REV3L: variants seen among roughly 807,000 people sequenced by gnomAD.
REV3L encodes the protein REV3 like, DNA directed polymerase zeta catalytic subunit.
Under a neutral mutation model 299.4 loss-of-function variants are expected in REV3L, and 69 were observed. The observed-to-expected ratio is 0.23, with a 90% confidence interval of 0.19 to 0.28. The LOEUF (loss-of-function observed/expected upper bound fraction) is 0.28, where lower values mean the gene tolerates loss of function less well. Among genes scored for constraint, REV3L ranks in the 10% least tolerant of loss-of-function variants. REV3L has a pLI of 1.00. For missense variants in REV3L, 3,128 were observed against 3,693.8 expected, an observed-to-expected ratio of 0.85 and a Z score of 3.97; for synonymous variants, 1,238 against 1,271.4, an observed-to-expected ratio of 0.97 and a Z score of 0.56.
At chr6:111,480,428 T>G (rs1054546694) in intron 1 of REV3L, among the ~76,000 whole-genome samples, 1 of 152,192 alleles carries the variant, frequency 6.6e-6, no homozygotes, top group Non-Finnish European at 1.5e-5. Context: ...ATTAATAATT[T>G]TCAAGTTTTA....
At chr6:111,465,082 TTTG>T (rs1164210102) in intron 1 of REV3L, among the ~76,000 whole-genome samples, 1 of 125,436 alleles carries the variant, frequency 8.0e-6, no homozygotes, top group Non-Finnish European at 1.9e-5. Flanking sequence ...GTTATTTTTA[TTTG>T]TTTTTTTTTT....
intron 4 of REV3L, among the ~76,000 whole-genome samples, chr6:111,395,174 T>G (rs1158202112): frequency 6.6e-6 from 1 of 152,218 alleles, no homozygotes; most frequent in African/African-American, 2.4e-5. Context: ...TGCTCAGGAT[T>G]GCTTTGGCTA....
intron 1 of REV3L, among the ~76,000 whole-genome samples, chr6:111,469,688 T>G (rs559766019): frequency 1.3e-5 from 2 of 152,250 alleles, no homozygotes; most frequent in Non-Finnish European, 2.9e-5. Context: ...ATGGCCCCCA[T>G]CACCCAAGCA....
At chr6:111,425,587 T>C (rs2128294102) in intron 1 of REV3L, among the ~76,000 whole-genome samples, 1 of 152,034 alleles carries the variant, frequency 6.6e-6, no homozygotes, top group African/African-American at 2.4e-5. Context: ...GCTACATAAT[T>C]TAAAATGTCT....
intron 15 of REV3L, among the ~76,000 whole-genome samples, chr6:111,364,658 C>T (rs1779028909): frequency 6.6e-6 from 1 of 151,498 alleles, no homozygotes; most frequent in Non-Finnish European, 1.5e-5. Context: ...TAGTTAATGA[C>T]ATTTATAAGA....
Position 111,466,070 on chromosome 6 carries a change from G to A in REV3L, c.139+16680C>T, listed in dbSNP as rs534152668. Among the ~76,000 whole-genome samples, 9 of 151,992 alleles carry A rather than the reference G, an allele frequency of 5.9e-5. No homozygotes were observed. The South Asian group carries it at 1.0e-3, about 18-fold the overall frequency. The stretch of plus-strand genomic sequence containing the variant: ...AGAAACTCTTACAGCAGTCTGAGAG[G>A]GAAATTCTATACCTGTTAAATAAAA... On this transcript the variant is annotated intron_variant, in intron 1 of 31. Coordinates refer to ENST00000368802, the MANE Select transcript of REV3L (RefSeq NM_001372078.1).
intron 24 of REV3L, chr6:111,330,811 G>T: frequency 5.8e-6 from 1 of 171,572 alleles, no homozygotes; most frequent in Non-Finnish European, 1.2e-5. Context: ...ATTTCTCCAA[G>T]TAGATCTCAT....
At chr6:111,476,354 T>C (rs1562373666) in intron 1 of REV3L, among the ~76,000 whole-genome samples, 1 of 152,078 alleles carries the variant, frequency 6.6e-6, no homozygotes, top group Non-Finnish European at 1.5e-5. Flanking sequence ...ATAGCGTCTT[T>C]CCATGTTGCC....
upstream of REV3L, chr6:111,483,275 G>A: frequency 2.1e-6 from 1 of 478,078 alleles, no homozygotes; most frequent in Non-Finnish European, 3.7e-6. Context: ...GGGAGGCTGC[G>A]AGTAGTGCGG....
At chr6:111,420,002 G>A (rs1008628527) in intron 1 of REV3L, among the ~76,000 whole-genome samples, 1 of 151,996 alleles carries the variant, frequency 6.6e-6, no homozygotes, top group African/African-American at 2.4e-5. Context: ...CTGCCACCAT[G>A]CCCGGCTAAT....
rs149987536 is a variant in REV3L, at chr6:111,373,503, C to T, written c.4852G>A (p.Asp1618Asn). 3.1e-6 allele frequency: 5 copies of T among 1,613,410 alleles called. No homozygotes were observed. The highest frequency in any genetic ancestry group is 4.2e-6 in the Non-Finnish European group (5 of 1,179,842). Residue 1618 changes from aspartate to asparagine, a missense_variant, in exon 13 of 32, where the codon GAT becomes AAT. Around this residue, in one of 9 missense-constraint regions of REV3L, gnomAD observed 2,409 missense variants for 2,611.8 expected, o/e 0.92. Transcript: ENST00000368802. The part of the protein sequence containing the change: ...NSSQLDNSVS[D>N]DSPIFFSDPG... Reference sequence around the variant, plus strand: ...TCTGAAAAAAAGATGGGACTATCATCTGATACAGAGTTATCCAACTGGCTA... The same window carrying T: ...TCTGAAAAAAAGATGGGACTATCATTTGATACAGAGTTATCCAACTGGCTA...
chr6:111,376,261 G>A lies in REV3L; in HGVS notation c.2094C>T (p.Asn698=), dbSNP rs1268192755. 6.8e-6 allele frequency: 11 copies of A among 1,613,734 alleles called. No individual in the cohort carries two copies. Among genetic ancestry groups the A allele is most frequent in the South Asian group, 5.5e-5 (5 of 91,068 alleles). ...AAGAATTTTTGCCCAATGTATTCTC[G>A]TTAGGGTGACGGTGCATATGTATAA... ...SPFIHMHRHP[N]ENTLGKNSFN... Residue 698 remains asparagine, a synonymous_variant, in exon 13 of 32, where the codon AAC becomes AAT. Coordinates refer to ENST00000368802, the MANE Select transcript of REV3L (RefSeq NM_001372078.1).
rs555968042 is a variant in REV3L, at chr6:111,416,354, T to C, written c.258A>G (p.Ala86=). ...ATGGATTGCCTAAAGCCACATTAAG[T>C]GCTCTGTCGATACTGAATGCCATCT... ...LSQMAFSIDR[A]LNVALGNPSS... Residue 86 remains alanine, a synonymous_variant, in exon 2 of 32, where the codon GCA becomes GCG. Transcript: ENST00000368802. 46 of 1,613,918 alleles carry C rather than the reference T, an allele frequency of 2.9e-5. No homozygotes were observed. The Admixed American group carries it at 5.0e-4, about 18-fold the overall frequency.
At chr6:111,483,511 C>G, upstream of REV3L, 4 of 516,676 alleles carry the variant, frequency 7.7e-6, no homozygotes, top group South Asian at 6.5e-5. Context: ...GGATGGGCTC[C>G]GAGGGGCTTG....
intron 12 of REV3L, 113 bp from the exon 13 acceptor site, chr6:111,376,870 G>A (rs1780370983): frequency 7.3e-6 from 6 of 821,718 alleles, no homozygotes; most frequent in Non-Finnish European, 1.1e-5. Flanking sequence ...ATCAAATTAA[G>A]TTTGGTTATC....
chr6:111,358,401 A>G (rs933883945), intron 17 of REV3L, among the ~76,000 whole-genome samples: 10 of 152,126 alleles, frequency 6.6e-5, no homozygotes, highest in Non-Finnish European at 7.4e-5. Flanking sequence ...CTTAGAACAA[A>G]TTATATAAGA....
At chr6:111,455,614 T>G (rs1028282679) in intron 1 of REV3L, among the ~76,000 whole-genome samples, 1 of 151,986 alleles carries the variant, frequency 6.6e-6, no homozygotes, top group African/African-American at 2.4e-5. Context: ...CATGCAAAAA[T>G]AATGACACCT....
rs146798348 is a variant in REV3L at position 111,419,598 on chromosome 6, A to T, written c.140-3126T>A. Among the ~76,000 whole-genome samples the T allele has an allele frequency of 3.2e-4, 48 of 152,292 alleles. No homozygotes were observed. In the East Asian group the frequency reaches 8.9e-3, roughly 28 times the overall value. On this transcript the variant is annotated intron_variant, in intron 1 of 31. Transcript: ENST00000368802. ...GTTAAATTGTGAGAAAATGCCCCCAAATCAGTGGATTTAGCATTAAAATTA... is the reference window on the plus strand; with the variant it reads ...GTTAAATTGTGAGAAAATGCCCCCATATCAGTGGATTTAGCATTAAAATTA...
At chr6:111,443,397 C>A (rs1488943722) in intron 1 of REV3L, among the ~76,000 whole-genome samples, 2 of 152,066 alleles carry the variant, frequency 1.3e-5, no homozygotes, top group Non-Finnish European at 2.9e-5. Flanking sequence ...CCACCGCGCC[C>A]GGCCATATCT....
Sources: gnomAD v4.1 joint callset for allele counts (sites outside exome capture counted in the v4.1 genomes callset) on GRCh38, gnomAD v4.1.1 for gene constraint, gnomAD v4.1.1 regional missense constraint, MANE v1.5 for transcripts, NCBI Gene and HGNC (gene_info 2026-07-23, HGNC 2026-07-21) for gene names.